The following CTNND2 variants were observed in gnomAD, a reference collection of about 807,000 sequenced individuals.
The protein encoded by CTNND2 is catenin delta-2.
CTNND2 carries 22 observed loss-of-function variants against 144.4 expected under a neutral mutation model. That is an observed-to-expected ratio of 0.15 (90% CI 0.11 to 0.22). The LOEUF is 0.22. Among genes scored for constraint, CTNND2 ranks in the 10% least tolerant of loss-of-function variants. The pLI, the probability that CTNND2 is intolerant of heterozygous loss-of-function variation, is 1.00. For missense variants in CTNND2, 1,353 were observed against 1,618.8 expected (o/e 0.84, Z 2.82); for synonymous variants, 751 against 695.6 (o/e 1.08, Z -1.25).
intron 3 of CTNND2, among the ~76,000 whole-genome samples, chr5:11,510,041 C>T (rs1171116227): frequency 1.3e-5 from 2 of 152,190 alleles, no homozygotes; most frequent in African/African-American, 4.8e-5. Flanking sequence ...AAGCGATCCA[C>T]CCTCCTCAGC....
intron 16 of CTNND2, among the ~76,000 whole-genome samples, chr5:11,065,000 C>T (rs1196628586): frequency 1.3e-5 from 2 of 152,176 alleles, no homozygotes; most frequent in East Asian, 1.9e-4. Context: ...TGTGGTTGTT[C>T]TTGTTACTGC....
intron 3 of CTNND2, among the ~76,000 whole-genome samples, chr5:11,441,841 T>C (rs1390665597): frequency 2.6e-5 from 4 of 152,152 alleles, no homozygotes; most frequent in African/African-American, 4.8e-5. Flanking sequence ...ATTAACAAGA[T>C]ATTTTCGCCA....
chr5:11,533,515 G>T (rs1294150830), intron 3 of CTNND2, among the ~76,000 whole-genome samples: 1 of 152,206 alleles, frequency 6.6e-6, no homozygotes, highest in African/African-American at 2.4e-5. Flanking sequence ...TGGCACAGAG[G>T]TCCAGTGTGA....
intron 2 of CTNND2, among the ~76,000 whole-genome samples, chr5:11,690,019 A>T (rs1784821743): frequency 6.6e-6 from 1 of 152,238 alleles, no homozygotes; most frequent in African/African-American, 2.4e-5. Flanking sequence ...GGGGAAATCT[A>T]TCTTGTTCTT....
chr5:11,534,283 C>T (rs1774017218), intron 3 of CTNND2, among the ~76,000 whole-genome samples: 1 of 152,154 alleles, frequency 6.6e-6, no homozygotes, highest in African/African-American at 2.4e-5. Flanking sequence ...GGAGGAAAAT[C>T]TAGGGAACAG....
chr5:11,435,444 T>G (rs1181454954), intron 3 of CTNND2, among the ~76,000 whole-genome samples: 1 of 152,048 alleles, frequency 6.6e-6, no homozygotes, highest in Non-Finnish European at 1.5e-5. Context: ...GCCCCGCCGT[T>G]TGACAAACGT....
At chr5:11,394,797 A>T (rs1433720627) in intron 6 of CTNND2, among the ~76,000 whole-genome samples, 1 of 152,266 alleles carries the variant, frequency 6.6e-6, no homozygotes, top group Non-Finnish European at 1.5e-5. Context: ...ATTTTTAAAT[A>T]CTGAAATTAG....
chr5:11,312,296 T>A (rs926550651), intron 9 of CTNND2, among the ~76,000 whole-genome samples: 5 of 141,176 alleles, frequency 3.5e-5, no homozygotes, highest in Non-Finnish European at 6.1e-5. Flanking sequence ...ACATACTCCC[T>A]GTATTAGTCT....
At chr5:11,420,838 C>T (rs1009305998) in intron 3 of CTNND2, among the ~76,000 whole-genome samples, 63 of 152,232 alleles carry the variant, frequency 4.1e-4, no homozygotes, top group African/African-American at 1.5e-3. Context: ...TACAACTTGA[C>T]GGCTATTATG....
intron 11 of CTNND2, among the ~76,000 whole-genome samples, chr5:11,163,573 G>C (rs1759005269): frequency 6.6e-6 from 1 of 152,150 alleles, no homozygotes; most frequent in Non-Finnish European, 1.5e-5. Context: ...CACTCTCTCT[G>C]TTGCTTTCTT....
At chr5:11,221,259 A>T (rs1739762254) in intron 10 of CTNND2, among the ~76,000 whole-genome samples, 1 of 152,246 alleles carries the variant, frequency 6.6e-6, no homozygotes, top group Non-Finnish European at 1.5e-5. Flanking sequence ...GTCAAGCCAG[A>T]AATTTGCATA....
At chr5:11,707,769 G>A (rs186427473) in intron 2 of CTNND2, among the ~76,000 whole-genome samples, 14 of 152,126 alleles carry the variant, frequency 9.2e-5, no homozygotes, top group African/African-American at 1.7e-4. Flanking sequence ...AACAATTTGC[G>A]ATTACAAAGT....
chr5:11,823,282 G>C (rs1357489496), intron 1 of CTNND2, among the ~76,000 whole-genome samples: 1 of 152,178 alleles, frequency 6.6e-6, no homozygotes, highest in Non-Finnish European at 1.5e-5. Context: ...AACCACTAAT[G>C]ATGCATGCAA....
intron 12 of CTNND2, among the ~76,000 whole-genome samples, chr5:11,147,964 C>T (rs1241273798): frequency 6.6e-6 from 1 of 152,200 alleles, no homozygotes; most frequent in Non-Finnish European, 1.5e-5. Context: ...TGTGCTATAT[C>T]CATGCAGGGG....
intron 1 of CTNND2, among the ~76,000 whole-genome samples, chr5:11,886,918 A>T (rs1736577376): frequency 6.7e-6 from 1 of 149,560 alleles, no homozygotes; most frequent in Non-Finnish European, 1.5e-5. Flanking sequence ...ACAAATTTCA[A>T]GTTATGTTTC....
intron 1 of CTNND2, among the ~76,000 whole-genome samples, chr5:11,743,049 C>G (rs10462583): frequency 6.6e-6 from 1 of 152,126 alleles, no homozygotes; most frequent in Admixed American, 6.5e-5. Flanking sequence ...AAAGAGAAAT[C>G]TAAAGTTATC....
rs58951106 is a variant in CTNND2, at chr5:11,480,646, A to ATGTGTGTGTGTGTG, written c.288-68591_288-68578dup. 3.7e-3 allele frequency among the ~76,000 whole-genome samples: 555 copies of ATGTGTGTGTGTGTG among 149,118 alleles called. 3 individuals carry two copies. Among genetic ancestry groups the ATGTGTGTGTGTGTG allele is most frequent in the African/African-American group, 5.1e-3 (208 of 40,510 alleles). On this transcript the variant is annotated intron_variant, in intron 3 of 21. Coordinates refer to ENST00000304623, the MANE Select transcript of CTNND2 (RefSeq NM_001332.4). Reference sequence around the variant, plus strand: ...TGTTCTATGATTTGAAAATACATATATGTGTGTGTGTGTGTGTGTGTGTGT... The same window carrying ATGTGTGTGTGTGTG: ...TGTTCTATGATTTGAAAATACATATATGTGTGTGTGTGTGTGTGTGTGTGTGTGTGTGTGTGTGT...
chr5:11,324,536 C>A (rs1752342399), intron 9 of CTNND2, among the ~76,000 whole-genome samples: 1 of 152,186 alleles, frequency 6.6e-6, no homozygotes. Flanking sequence ...CACTTGTATT[C>A]ACAATCTGGG....
chr5:10,995,765 A>T (rs1384144678), intron 18 of CTNND2, among the ~76,000 whole-genome samples: 1 of 152,188 alleles, frequency 6.6e-6, no homozygotes, highest in African/African-American at 2.4e-5. Flanking sequence ...GGAAAGGTGG[A>T]TAAGATTAAG....
Sources: allele counts gnomAD v4.1 joint callset (sites outside exome capture counted in the v4.1 genomes callset), GRCh38; gene constraint gnomAD v4.1.1; transcripts MANE v1.5; gene names NCBI Gene and HGNC (gene_info 2026-07-23, HGNC 2026-07-21).